GPR143: variants seen among roughly 807,000 people sequenced by gnomAD.
GPR143 encodes G-protein coupled receptor 143.
In GPR143, 8 loss-of-function variants were observed where a neutral mutation model predicts 27.6. The ratio of observed to expected loss-of-function variants is 0.29; its 90% confidence interval spans 0.17 to 0.52. The LOEUF (loss-of-function observed/expected upper bound fraction) is 0.52, where lower values mean the gene tolerates loss of function less well. Among genes scored for constraint, GPR143 ranks in the 20% least tolerant of loss-of-function variants. GPR143 has a pLI of 0.96. For missense variants in GPR143, 303 were observed against 343.1 expected (o/e 0.88, Z 0.92); for synonymous variants, 156 against 153.2 (o/e 1.02, Z -0.13).
At chrX:9,725,980 CAAAAAAA>C (rs35066814) in intron 8 of GPR143, 140 bp from the exon 9 acceptor site, 227 of 354,080 alleles carry the variant, frequency 6.4e-4, no homozygotes, top group South Asian at 1.0e-3. Flanking sequence ...ATCTCATCTG[CAAAAAAA>C]AAAAAAAAAA....
intron 1 of GPR143, among the ~76,000 whole-genome samples, chrX:9,765,148 C>A (rs961796860): frequency 8.9e-6 from 1 of 112,342 alleles, no homozygotes. Flanking sequence ...TGCGCCATCA[C>A]CCGGGCACCG....
intron 6 of GPR143, among the ~76,000 whole-genome samples, chrX:9,741,784 T>C (rs1267986407): frequency 2.7e-5 from 3 of 110,619 alleles, no homozygotes; most frequent in African/African-American, 9.9e-5. Context: ...TCCCAGCTAA[T>C]TGGGAGGCTG....
intron 8 of GPR143, chrX:9,738,650 G>T (rs754060856): frequency 7.6e-6 from 2 of 261,938 alleles, no homozygotes; most frequent in Admixed American, 9.3e-5. Context: ...TTTAGACGGG[G>T]CTTCACTCTT....
intron 8 of GPR143, among the ~76,000 whole-genome samples, chrX:9,726,291 C>T (rs1203493212): frequency 9.0e-6 from 1 of 111,364 alleles, no homozygotes; most frequent in Admixed American, 9.6e-5. Flanking sequence ...TACCTACACT[C>T]AATTCTAGGA....
At position 9,725,980 on chromosome X, in the gene GPR143, C is replaced by CAAAA. The variant is rs35066814; in HGVS notation, c.1121-144_1121-141dup. ...AAAGTCCTAGCATTCATCTCATCTG[C>CAAAA]AAAAAAAAAAAAAAAAAAAAAAAAA... is the stretch of plus-strand genomic sequence containing the variant. On this transcript the variant is annotated intron_variant, in intron 8 of 8. Transcript: ENST00000467482. 313 of 354,415 alleles carry CAAAA rather than the reference C, an allele frequency of 8.8e-4. 2 individuals are homozygous for CAAAA. The African/African-American group carries it at 0.01, about 11-fold the overall frequency. The allele number at this position is 354,415 out of a possible 1,213,427, so 29.2% of individuals were successfully genotyped here. A position where few individuals can be genotyped will look rare whatever the true frequency, so the allele number is the denominator to read the frequency against.
intron 1 of GPR143, 47 bp downstream of exon 1, chrX:9,765,521 C>T: frequency 9.4e-7 from 1 of 1,066,590 alleles, no homozygotes; most frequent in Non-Finnish European, 1.2e-6. Context: ...CGCGCCCTCA[C>T]CCAGGCGCTG....
At chrX:9,733,445 G>A (rs759691334) in intron 8 of GPR143, among the ~76,000 whole-genome samples, 1 of 110,603 alleles carries the variant, frequency 9.0e-6, no homozygotes, top group Non-Finnish European at 1.9e-5. Context: ...GGGGATTGTG[G>A]GAGACTCAAG....
In GPR143 at chrX:9,765,750, C is replaced by T; in HGVS notation, c.68G>A (p.Ser23Asn). The change falls in exon 1 of 9, where the codon AGC becomes AAC. Residue 23 changes from serine to asparagine, a missense_variant. Ser to Asn is a conservative substitution (Grantham distance 46). Transcript: ENST00000467482. ...TRDAATQLVL[S>N]FQPRAFHALC... Reference sequence around the variant, plus strand: ...CGCGTGGAAGGCCCGCGGCTGGAAGCTCAGCACGAGCTGCGTGGCTGCGTC... The same window carrying T: ...CGCGTGGAAGGCCCGCGGCTGGAAGTTCAGCACGAGCTGCGTGGCTGCGTC... 2 of 1,125,363 alleles carry T rather than the reference C, an allele frequency of 1.8e-6. No homozygotes were observed. Among genetic ancestry groups the T allele is most frequent in the African/African-American group, 1.9e-5 (1 of 53,351 alleles). 92.7% of individuals were successfully genotyped at this position (1,125,363 alleles called of 1,213,427 possible). A position where few individuals can be genotyped will look rare whatever the true frequency, so the allele number is the denominator to read the frequency against.
At chrX:9,726,036 T>A in intron 8 of GPR143, 196 bp from the exon 9 acceptor site, 1 of 676,144 alleles carries the variant, frequency 1.5e-6, no homozygotes, top group Non-Finnish European at 1.7e-6. Context: ...ACATCAACTT[T>A]CCATCTACAT....
intron 6 of GPR143, among the ~76,000 whole-genome samples, chrX:9,741,778 A>C (rs749140442): frequency 9.0e-6 from 1 of 111,027 alleles, no homozygotes; most frequent in South Asian, 3.9e-4. Flanking sequence ...CTGTAGTCCC[A>C]GCTAATTGGG....
chrX:9,748,680 A>G lies in GPR143; in HGVS notation c.456-14T>C, dbSNP rs2146691667. The stretch of plus-strand genomic sequence containing the variant: ...AGCAGGATGGTGCTAGGGGACAAGC[A>G]CAACAGCAGCCACAGCTCAGTGGGG... On this transcript the variant is annotated splice_polypyrimidine_tract_variant and intron_variant, in intron 3 of 8. Coordinates refer to ENST00000467482, the MANE Select transcript of GPR143 (RefSeq NM_000273.3). 12 of 1,129,759 alleles carry G rather than the reference A, an allele frequency of 1.1e-5. No individual in the cohort carries two copies. In the East Asian group the frequency reaches 1.8e-4, roughly 17 times the overall value. 93.1% of individuals were successfully genotyped at this position (1,129,759 alleles called of 1,213,427 possible). A position where few individuals can be genotyped will look rare whatever the true frequency, so the allele number is the denominator to read the frequency against.
Position 9,765,843 on chromosome X carries a change from G to A in GPR143, c.-26C>T, listed in dbSNP as rs1406214626. On this transcript the variant is annotated 5_prime_UTR_variant, in exon 1 of 9. Coordinates refer to ENST00000467482, the MANE Select transcript of GPR143 (RefSeq NM_000273.3). ...GGGCTGTGTTCGCGGACGCGGCTCGGGTGTGCCAGGACCCCGCCGGCCTGC... is the reference window on the plus strand; with the variant it reads ...GGGCTGTGTTCGCGGACGCGGCTCGAGTGTGCCAGGACCCCGCCGGCCTGC... The A allele has an allele frequency of 9.5e-7, 1 of 1,057,549 alleles. No individual in the cohort carries two copies. The highest frequency in any genetic ancestry group is 1.2e-6 in the Non-Finnish European group (1 of 820,965). 87.2% of individuals were successfully genotyped at this position (1,057,549 alleles called of 1,213,427 possible). A position where few individuals can be genotyped will look rare whatever the true frequency, so the allele number is the denominator to read the frequency against.
chrX:9,732,865 CAAA>C (rs34622284), intron 8 of GPR143, among the ~76,000 whole-genome samples: 4 of 48,192 alleles, frequency 8.3e-5, no homozygotes, highest in Non-Finnish European at 3.7e-5. Context: ...AACTCCATCT[CAAA>C]AAAAAAAAAA....
At chrX:9,746,643 C>T (rs1007335316) in intron 4 of GPR143, among the ~76,000 whole-genome samples, 3 of 111,225 alleles carry the variant, frequency 2.7e-5, no homozygotes, top group South Asian at 7.6e-4. Context: ...AATGTGTTCT[C>T]ATGGTTATGG....
At chrX:9,766,307 G>A (rs5934679), upstream of GPR143, 2,267 of 112,210 alleles carry the variant, frequency 0.02, 19 homozygotes, top group African/African-American at 0.025. Flanking sequence ...ACTGATCCCT[G>A]TAACTGCTTT....
At chrX:9,749,303 G>A (rs1201047947) in intron 3 of GPR143, among the ~76,000 whole-genome samples, 1 of 98,316 alleles carries the variant, frequency 1.0e-5, no homozygotes, top group Non-Finnish European at 2.0e-5. Context: ...TTGGCCTTCT[G>A]CCACGATTGT....
At position 9,732,790 on chromosome X, in the gene GPR143, GA is replaced by G. The variant is rs768350728; in HGVS notation, c.1120+6694del. ...AGGCACAAGAATCACTTGAGCCCAAGAGGTGGAGGTTGCAGTGAGCCGAGAT... is the reference window on the plus strand; with the variant it reads ...AGGCACAAGAATCACTTGAGCCCAAGGGTGGAGGTTGCAGTGAGCCGAGAT... On this transcript the variant is annotated intron_variant, in intron 8 of 8. Coordinates refer to ENST00000467482, the MANE Select transcript of GPR143 (RefSeq NM_000273.3). 2.9e-5 allele frequency among the ~76,000 whole-genome samples: 3 copies of G among 104,907 alleles called. No homozygotes were observed. The Admixed American group carries it at 3.2e-4, about 11-fold the overall frequency. The allele number at this position is 104,907 out of a possible 115,157, so 91.1% of individuals were successfully genotyped here.
chrX:9,754,779 C>T (rs963989659), intron 3 of GPR143, among the ~76,000 whole-genome samples: 2 of 111,771 alleles, frequency 1.8e-5, no homozygotes, highest in Admixed American at 1.9e-4. Flanking sequence ...TCCCCCACAT[C>T]CCCACCGTGG....
At chrX:9,730,527 T>C (rs12393343) in intron 8 of GPR143, among the ~76,000 whole-genome samples, 18,581 of 111,216 alleles carry the variant, frequency 0.17, 1,731 homozygotes, top group African/African-American at 0.35. Context: ...AAGCTGAGAC[T>C]TCACCTGAGC....
Sources: allele counts gnomAD v4.1 joint callset (sites outside exome capture counted in the v4.1 genomes callset), GRCh38; gene constraint gnomAD v4.1.1; transcripts MANE v1.5; gene names NCBI Gene and HGNC (gene_info 2026-07-23, HGNC 2026-07-21).